Variants in RALGPS2 observed in about 807,000 individuals in gnomAD.
RALGPS2 encodes ras-specific guanine nucleotide-releasing factor RalGPS2.
Under a neutral mutation model 86.8 loss-of-function variants are expected in RALGPS2, and 43 were observed. That is an observed-to-expected ratio of 0.50 (90% CI 0.39 to 0.64). The LOEUF is 0.64. RALGPS2 is among the 30% of genes least tolerant of loss of function. RALGPS2 has a pLI of 0.00. For missense variants in RALGPS2, 536 were observed against 694.6 expected, an observed-to-expected ratio of 0.77 and a Z score of 2.57; for synonymous variants, 243 against 231.3, an observed-to-expected ratio of 1.05 and a Z score of -0.46.
At chr1:178,802,525 A>G (rs1654527465) in intron 4 of RALGPS2, among the ~76,000 whole-genome samples, 2 of 152,194 alleles carry the variant, frequency 1.3e-5, no homozygotes, top group Admixed American at 6.5e-5. Context: ...TTACTGTGAT[A>G]ATACAATTTA....
chr1:178,823,299 A>T (rs1655596416), intron 7 of RALGPS2, among the ~76,000 whole-genome samples: 1 of 152,242 alleles, frequency 6.6e-6, no homozygotes, highest in Non-Finnish European at 1.5e-5. Flanking sequence ...TTTGTATTTT[A>T]AAATATTTCA....
chr1:178,893,662 C>T (rs12143627), intron 15 of RALGPS2, among the ~76,000 whole-genome samples: 12,207 of 151,782 alleles, frequency 0.08, 514 homozygotes, highest in African/African-American at 0.1. Context: ...TTACTGCATT[C>T]TTTCTAAATT....
At chr1:178,825,309 T>C (rs1050919683) in intron 7 of RALGPS2, among the ~76,000 whole-genome samples, 1 of 152,090 alleles carries the variant, frequency 6.6e-6, no homozygotes, top group South Asian at 2.1e-4. Context: ...GTTGTTTTAT[T>C]GACAGATGAG....
At chr1:178,850,935 A>C (rs1301343430) in intron 8 of RALGPS2, 1 of 447,802 alleles carries the variant, frequency 2.2e-6, no homozygotes, top group Non-Finnish European at 3.8e-6. Context: ...TTGTGGATAC[A>C]CATAATTTTC....
intron 19 of RALGPS2, among the ~76,000 whole-genome samples, chr1:178,910,540 TTTTG>T (rs1246057966): frequency 6.6e-6 from 1 of 152,234 alleles, no homozygotes; most frequent in Non-Finnish European, 1.5e-5. Flanking sequence ...CTGTTTTTAA[TTTTG>T]TTTATGTGGT....
chr1:178,736,837 G>A (rs1650738659), intron 1 of RALGPS2, among the ~76,000 whole-genome samples: 1 of 152,126 alleles, frequency 6.6e-6, no homozygotes, highest in South Asian at 2.1e-4. Flanking sequence ...GGTCAAGGCT[G>A]CAGTGGCCAT....
intron 16 of RALGPS2, among the ~76,000 whole-genome samples, chr1:178,895,120 A>G: frequency 6.6e-6 from 1 of 152,044 alleles, no homozygotes; most frequent in East Asian, 1.9e-4. Flanking sequence ...GTATCAAAGA[A>G]GTTTCTTCTT....
At chr1:178,861,819 CT>C (rs1489014609) in intron 8 of RALGPS2, among the ~76,000 whole-genome samples, 1 of 152,050 alleles carries the variant, frequency 6.6e-6, no homozygotes, top group Non-Finnish European at 1.5e-5. Flanking sequence ...CAGTGGGTCA[CT>C]TTATACACTG....
At chr1:178,835,245 C>T (rs942495683) in intron 8 of RALGPS2, among the ~76,000 whole-genome samples, 1 of 152,160 alleles carries the variant, frequency 6.6e-6, no homozygotes, top group Non-Finnish European at 1.5e-5. Flanking sequence ...ATCCTCAATT[C>T]CACAATGACT....
intron 8 of RALGPS2, among the ~76,000 whole-genome samples, chr1:178,843,753 A>G (rs1391769654): frequency 1.3e-5 from 2 of 152,138 alleles, no homozygotes; most frequent in Non-Finnish European, 1.5e-5. Context: ...AGATACTGGT[A>G]TTCTTCATAT....
At chr1:178,856,216 T>G (rs574348950) in intron 8 of RALGPS2, among the ~76,000 whole-genome samples, 5,703 of 75,114 alleles carry the variant, frequency 0.076, 222 homozygotes, top group Non-Finnish European at 0.12. Flanking sequence ...TATATATATA[T>G]ATATATATAT....
intron 18 of RALGPS2, among the ~76,000 whole-genome samples, chr1:178,905,738 C>T (rs1660362850): frequency 6.6e-6 from 1 of 152,146 alleles, no homozygotes; most frequent in African/African-American, 2.4e-5. Flanking sequence ...TGGATCCTTT[C>T]TTTTCTCAAT....
At chr1:178,864,190 A>G (rs574357917) in intron 8 of RALGPS2, among the ~76,000 whole-genome samples, 9 of 152,318 alleles carry the variant, frequency 5.9e-5, no homozygotes, top group Admixed American at 3.3e-4. Context: ...CTGGACACCT[A>G]GATCAGTGAC....
intron 19 of RALGPS2, among the ~76,000 whole-genome samples, chr1:178,910,888 T>C (rs748666455): frequency 6.6e-6 from 1 of 152,188 alleles, no homozygotes; most frequent in African/African-American, 2.4e-5. Flanking sequence ...AATCCACCTA[T>C]TTCAAGGCTT....
chr1:178,752,489 C>T (rs1470591141), intron 1 of RALGPS2, among the ~76,000 whole-genome samples: 1 of 151,982 alleles, frequency 6.6e-6, no homozygotes, highest in Admixed American at 6.6e-5. Flanking sequence ...CCAGCACTAT[C>T]TTCCTGCAGC....
In RALGPS2 at chr1:178,834,780, T is replaced by C. The variant is rs188959517; in HGVS notation, c.607+1230T>C. Reference sequence around the variant, plus strand: ...TGTTGCTGTCATTGTTTGTTTTGTTTTGTTTTGTTTGTTTTTTGAGACAGC... The same window carrying C: ...TGTTGCTGTCATTGTTTGTTTTGTTCTGTTTTGTTTGTTTTTTGAGACAGC... On this transcript the variant is annotated intron_variant, in intron 8 of 19. Transcript: ENST00000367635. Among the ~76,000 whole-genome samples the C allele has an allele frequency of 2.0e-4, 30 of 152,284 alleles. No homozygotes were observed. The East Asian group carries it at 5.2e-3, about 26-fold the overall frequency.
At chr1:178,817,126 G>T (rs1170900653) in intron 6 of RALGPS2, among the ~76,000 whole-genome samples, 1 of 151,748 alleles carries the variant, frequency 6.6e-6, no homozygotes, top group Non-Finnish European at 1.5e-5. Context: ...TTGGGAGGCT[G>T]AGGCGGGCAG....
intron 19 of RALGPS2, 152 bp downstream of exon 19, chr1:178,907,019 T>C: frequency 1.4e-6 from 1 of 703,944 alleles, no homozygotes; most frequent in Non-Finnish European, 2.3e-6. Flanking sequence ...TATGAAGGTC[T>C]ACATCTTAGT....
intron 1 of RALGPS2, among the ~76,000 whole-genome samples, chr1:178,737,131 C>T (rs1650754580): frequency 6.6e-6 from 1 of 152,254 alleles, no homozygotes; most frequent in African/African-American, 2.4e-5. Flanking sequence ...TATTTATGTA[C>T]ATCTAAAAAT....
Sources: gnomAD v4.1 joint callset for allele counts (sites outside exome capture counted in the v4.1 genomes callset) on GRCh38, gnomAD v4.1.1 for gene constraint, MANE v1.5 for transcripts, NCBI Gene and HGNC (gene_info 2026-07-23, HGNC 2026-07-21) for gene names.